The following TDRD10 variants were observed in gnomAD, a reference collection of about 807,000 sequenced individuals.
TDRD10 encodes tudor domain containing 10, also known as tudor domain-containing protein 10.
In TDRD10, 40 loss-of-function variants were observed where a neutral mutation model predicts 48.0. The observed-to-expected ratio is 0.83, with a 90% CI of 0.65 to 1.09. TDRD10 has a LOEUF of 1.09. Among genes scored for constraint, TDRD10 ranks in the 50% least tolerant of loss-of-function variants. The pLI is 0.00. For synonymous variants in TDRD10, 162 were observed against 170.4 expected, an observed-to-expected ratio of 0.95 and a Z score of 0.38; for missense variants, 378 against 434.7, an observed-to-expected ratio of 0.87 and a Z score of 1.16.
At chr1:154,506,757 A>C in intron 1 of TDRD10, 120 bp from the exon 2 acceptor site, 1 of 817,596 alleles carries the variant, frequency 1.2e-6, no homozygotes. Context: ...TCTAGGGATT[A>C]GGATGTGGAC....
chr1:154,537,300 C>T (rs1439270923), intron 6 of TDRD10, among the ~76,000 whole-genome samples: 1 of 152,190 alleles, frequency 6.6e-6, no homozygotes, highest in Non-Finnish European at 1.5e-5. Context: ...GTGTCTGCTG[C>T]CCCCACCAGA....
intron 6 of TDRD10, among the ~76,000 whole-genome samples, chr1:154,530,458 TG>T (rs1280761647): frequency 7.1e-6 from 1 of 140,754 alleles, no homozygotes. Flanking sequence ...GAAACAGAGG[TG>T]GGGTTTCACC....
At chr1:154,513,972 C>T (rs1280271291) in intron 4 of TDRD10, among the ~76,000 whole-genome samples, 2 of 152,096 alleles carry the variant, frequency 1.3e-5, no homozygotes, top group Non-Finnish European at 2.9e-5. Flanking sequence ...TGTGGATCAC[C>T]TGAGGTCAGG....
intron 6 of TDRD10, among the ~76,000 whole-genome samples, chr1:154,539,042 T>G (rs937769943): frequency 2.0e-5 from 3 of 152,206 alleles, no homozygotes; most frequent in African/African-American, 7.2e-5. Flanking sequence ...TCTGCAGATG[T>G]GAACACCAAG....
At position 154,526,868 on chromosome 1, in the gene TDRD10, C is replaced by T. The variant is rs189614763; in HGVS notation, c.369+5389C>T. Among the ~76,000 whole-genome samples, 234 of 151,344 alleles carry T rather than the reference C, an allele frequency of 1.5e-3. 1 individual carries two copies. Among genetic ancestry groups the T allele is most frequent in the African/African-American group, 4.9e-3 (202 of 41,272 alleles). Reference sequence around the variant, plus strand: ...CCTCCCAAAGTGCTGGGATTACAGGCGTGAGCCACCGCACCTGGCCTGAAT... The same window carrying T: ...CCTCCCAAAGTGCTGGGATTACAGGTGTGAGCCACCGCACCTGGCCTGAAT... On this transcript the variant is annotated intron_variant, in intron 6 of 12. Coordinates refer to ENST00000368482, the MANE Select transcript of TDRD10 (RefSeq NM_182499.4).
chr1:154,505,308 C>G (rs770917706), intron 1 of TDRD10, among the ~76,000 whole-genome samples: 1 of 152,190 alleles, frequency 6.6e-6, no homozygotes, highest in Admixed American at 6.5e-5. Flanking sequence ...GCATCTTGCA[C>G]GGATTTATGC....
intron 12 of TDRD10, 31 bp downstream of exon 12, chr1:154,547,510 G>C (rs763931775): frequency 6.2e-7 from 1 of 1,614,096 alleles, no homozygotes; most frequent in African/African-American, 1.3e-5. Context: ...CTTGGCTGTT[G>C]TCCCTCCACT....
rs117420861 is a variant in TDRD10 at position 154,533,053 on chromosome 1, G to A, written c.370-8971G>A. 2.0e-4 allele frequency among the ~76,000 whole-genome samples: 31 copies of A among 152,298 alleles called. No homozygotes were observed. The East Asian group carries it at 5.8e-3, about 28-fold the overall frequency. On this transcript the variant is annotated intron_variant, in intron 6 of 12. Transcript: ENST00000368482. Reference sequence around the variant, plus strand: ...CCAGGATTCCCAAGTGGTTTCTATTGACACCCAGGCAGGGTGGTGGTAGGG... The same window carrying A: ...CCAGGATTCCCAAGTGGTTTCTATTAACACCCAGGCAGGGTGGTGGTAGGG...
intron 3 of TDRD10, among the ~76,000 whole-genome samples, chr1:154,507,636 C>T (rs1034476539): frequency 7.9e-5 from 12 of 152,160 alleles, no homozygotes; most frequent in African/African-American, 2.9e-4. Context: ...TCTATTGACA[C>T]CTCCCCAACC....
chr1:154,514,943 C>G (rs1693677754), intron 4 of TDRD10, among the ~76,000 whole-genome samples: 1 of 152,016 alleles, frequency 6.6e-6, no homozygotes, highest in Non-Finnish European at 1.5e-5. Context: ...TCTCGACACA[C>G]TGCAGCCTCC....
At chr1:154,526,301 G>C (rs1694314139) in intron 6 of TDRD10, among the ~76,000 whole-genome samples, 1 of 151,994 alleles carries the variant, frequency 6.6e-6, no homozygotes, top group South Asian at 2.1e-4. Context: ...AGGATCACTG[G>C]AGCCTGGGAG....
intron 6 of TDRD10, among the ~76,000 whole-genome samples, chr1:154,540,181 G>T (rs1282223836): frequency 1.3e-5 from 2 of 152,242 alleles, no homozygotes; most frequent in Admixed American, 1.3e-4. Context: ...GTGGGGGCAG[G>T]TGCCACAGCA....
intron 6 of TDRD10, among the ~76,000 whole-genome samples, chr1:154,531,306 T>C (rs1322606212): frequency 6.6e-6 from 1 of 152,176 alleles, no homozygotes; most frequent in African/African-American, 2.4e-5. Flanking sequence ...TGTCTTTTTG[T>C]GTCTGGAATT....
At position 154,544,111 on chromosome 1, in the gene TDRD10, G is replaced by C; in HGVS notation, c.651+1G>C. The C allele has an allele frequency of 6.2e-7, 1 of 1,614,166 alleles. No individual in the cohort carries two copies. The highest frequency in any genetic ancestry group is 8.5e-7 in the Non-Finnish European group (1 of 1,180,020). On this transcript the variant is annotated splice_donor_variant, in intron 9 of 12. Transcript: ENST00000368482. LOFTEE classifies it high-confidence loss of function. ...TTTCTGGGCTATGCACGTCACTGAG[G>C]TATGGACTGGTTGTTGGCCCCCTCA...
chr1:154,515,079 G>T (rs373615300), intron 4 of TDRD10, among the ~76,000 whole-genome samples: 62 of 152,078 alleles, frequency 4.1e-4, no homozygotes, highest in African/African-American at 1.3e-3. Flanking sequence ...TATTGGCCAT[G>T]CTGGTCTCGA....
chr1:154,512,629 G>A (rs994467862), intron 4 of TDRD10, among the ~76,000 whole-genome samples: 3 of 152,012 alleles, frequency 2.0e-5, no homozygotes, highest in Non-Finnish European at 4.4e-5. Flanking sequence ...CAGGCGAGAG[G>A]TACTGCACCC....
chr1:154,547,352 G>A (rs2149359198), intron 11 of TDRD10, 57 bp from the exon 12 acceptor site: 1 of 1,602,036 alleles, frequency 6.2e-7, no homozygotes, highest in Middle Eastern at 1.7e-4. Flanking sequence ...TCCCTCCTTT[G>A]CTCCTCCTGC....
intron 11 of TDRD10, among the ~76,000 whole-genome samples, 179 bp from the exon 12 acceptor site, chr1:154,547,230 T>C (rs570630643): frequency 6.6e-6 from 1 of 152,252 alleles, no homozygotes; most frequent in East Asian, 1.9e-4. Flanking sequence ...TTTTCAGCAT[T>C]TATCATCTCA....
intron 1 of TDRD10, among the ~76,000 whole-genome samples, chr1:154,505,674 C>G (rs1693108811): frequency 6.6e-6 from 1 of 152,034 alleles, no homozygotes; most frequent in Admixed American, 6.5e-5. Context: ...GAAAGAGAAC[C>G]AATGCTTTGG....
Sources: gnomAD v4.1 joint callset for allele counts (sites outside exome capture counted in the v4.1 genomes callset) on GRCh38, gnomAD v4.1.1 for gene constraint, MANE v1.5 for transcripts, NCBI Gene and HGNC (gene_info 2026-07-23, HGNC 2026-07-21) for gene names.